Variants in PTK2B observed in about 807,000 individuals in gnomAD.
PTK2B encodes the protein protein-tyrosine kinase 2-beta.
Under a neutral mutation model 142.9 loss-of-function variants are expected in PTK2B, and 71 were observed. The ratio of observed to expected loss-of-function variants is 0.50; its 90% CI spans 0.41 to 0.61. The LOEUF (loss-of-function observed/expected upper bound fraction) is 0.61. PTK2B is among the 20% of genes least tolerant of loss of function. PTK2B has a pLI of 0.00. For synonymous variants in PTK2B, 519 were observed against 503.4 expected, an observed-to-expected ratio of 1.03 and a Z score of -0.42; for missense variants, 1,105 against 1,320.4, an observed-to-expected ratio of 0.84 and a Z score of 2.53.
chr8:27,401,146 A>AAACG (rs1468128352), intron 2 of PTK2B, among the ~76,000 whole-genome samples: 2 of 152,050 alleles, frequency 1.3e-5, no homozygotes, highest in Non-Finnish European at 2.9e-5. Flanking sequence ...CTCAAAAAAC[A>AAACG]AAGAGATCCA....
chr8:27,452,797 A>G, intron 27 of PTK2B: 1 of 459,948 alleles, frequency 2.2e-6, no homozygotes, highest in South Asian at 3.5e-5. Context: ...CTTTCAGATC[A>G]CCCAGTACTG....
At chr8:27,319,337 A>T (rs1803158280) in intron 3 of PTK2B, among the ~76,000 whole-genome samples, 1 of 145,336 alleles carries the variant, frequency 6.9e-6, no homozygotes, top group Non-Finnish European at 1.5e-5. Flanking sequence ...TTTTTCAGGA[A>T]CCCGTTTTAA....
intron 3 of PTK2B, among the ~76,000 whole-genome samples, chr8:27,317,344 G>T (rs6999346): frequency 0.37 from 56,870 of 151,958 alleles, 11,610 homozygotes; most frequent in Non-Finnish European, 0.46. Flanking sequence ...TACATTAGGG[G>T]CTCTGCTATT....
chr8:27,435,819 A>G, intron 14 of PTK2B, 26 bp downstream of exon 14: 2 of 1,609,498 alleles, frequency 1.2e-6, no homozygotes, highest in South Asian at 2.2e-5. Flanking sequence ...CGCCACAGCG[A>G]CCGTAGTCAA....
At position 27,419,987 on chromosome 8, in the gene PTK2B, C is replaced by A; in HGVS notation, c.297C>A (p.Ser99=). The stretch of plus-strand genomic sequence containing the variant: ...GGCTGAGGCTGAAGCACATGAAGTC[C>A]GATGAGATCCACTGGCTGCACCCAC... ...CYGLRLKHMK[S]DEIHWLHPQM... Residue 99 remains serine (S), a synonymous_variant, in exon 3 of 31, where the codon TCC becomes TCA. Coordinates refer to ENST00000346049, the MANE Select transcript of PTK2B (RefSeq NM_173176.3). 6.2e-7 allele frequency: 1 copy of A among 1,614,128 alleles called. No homozygotes were observed. The highest frequency in any genetic ancestry group is 8.5e-7 in the Non-Finnish European group (1 of 1,180,034).
At chr8:27,404,036 TCC>T (rs200646408) in intron 2 of PTK2B, among the ~76,000 whole-genome samples, 2 of 127,594 alleles carry the variant, frequency 1.6e-5, no homozygotes, top group African/African-American at 2.8e-5. Flanking sequence ...ATTTGTCTCA[TCC>T]CCAGTTTCTA....
At chr8:27,360,171 C>T (rs1805616895) in intron 1 of PTK2B, among the ~76,000 whole-genome samples, 1 of 152,220 alleles carries the variant, frequency 6.6e-6, no homozygotes, top group African/African-American at 2.4e-5. Flanking sequence ...CATGTTCTCA[C>T]ATTGGCAAAA....
intron 15 of PTK2B, among the ~76,000 whole-genome samples, chr8:27,436,738 C>T (rs535758228): frequency 2.6e-5 from 4 of 151,842 alleles, no homozygotes; most frequent in Non-Finnish European, 5.9e-5. Flanking sequence ...TTCTAGCAGG[C>T]CCAGGGGAAG....
intron 18 of PTK2B, 35 bp downstream of exon 18, chr8:27,437,915 C>A: frequency 6.5e-7 from 1 of 1,546,252 alleles, no homozygotes; most frequent in Non-Finnish European, 8.8e-7. Context: ...GGTATGGAAG[C>A]CAGGCCTTCA....
chr8:27,406,292 C>A (rs1381015369), intron 2 of PTK2B, among the ~76,000 whole-genome samples: 1 of 152,016 alleles, frequency 6.6e-6, no homozygotes, highest in Non-Finnish European at 1.5e-5. Context: ...GCAAAGCCCC[C>A]CATTTTTTTT....
At position 27,333,375 on chromosome 8, in the gene PTK2B, C is replaced by T. The variant is rs533493253; in HGVS notation, c.-38+7694C>T. The stretch of plus-strand genomic sequence containing the variant: ...TAGGAGCTGTTGACCATGCTGACTT[C>T]GGTGGAGGTGCGAGGGTCAGATTCT... On this transcript the variant is annotated intron_variant, in intron 1 of 30. Transcript: ENST00000346049. 4.6e-5 allele frequency among the ~76,000 whole-genome samples: 7 copies of T among 152,266 alleles called. No individual in the cohort carries two copies. The South Asian group carries it at 1.0e-3, about 23-fold the overall frequency.
intron 1 of PTK2B, chr8:27,396,411 AGG>A (rs1808054327): frequency 1.3e-5 from 2 of 152,170 alleles, no homozygotes; most frequent in African/African-American, 4.8e-5. Flanking sequence ...CTTCTTAGAA[AGG>A]GGATATTTTT....
intron 8 of PTK2B, 110 bp downstream of exon 8, chr8:27,431,126 G>A: frequency 6.6e-7 from 1 of 1,513,656 alleles, no homozygotes; most frequent in Non-Finnish European, 8.9e-7. Flanking sequence ...TTCTCACTCA[G>A]GCAGCAGGAC....
chr8:27,377,053 A>G (rs1435902427), intron 1 of PTK2B, among the ~76,000 whole-genome samples: 2 of 152,118 alleles, frequency 1.3e-5, no homozygotes, highest in African/African-American at 4.8e-5. Flanking sequence ...GCAAAGTGGG[A>G]GTGAGGAGGG....
rs772807733 is a variant in PTK2B at position 27,436,272 on chromosome 8, G to C, written c.1265G>C (p.Arg422Pro). ...RPGGPQYGIA[R>P]EDVVLNRILG... The stretch of plus-strand genomic sequence containing the variant: ...GCAGGTCCACAGTATGGCATTGCCC[G>C]TGAAGATGTGGTCCTGAATCGTATT... Residue 422 changes from arginine to proline, a missense_variant, in exon 15 of 31, where the codon CGT becomes CCT. By Grantham distance (103) the Arg-to-Pro change is moderately radical. Transcript: ENST00000346049. The C allele has an allele frequency of 6.2e-7, 1 of 1,614,072 alleles. No individual in the cohort carries two copies. The highest frequency in any genetic ancestry group is 1.7e-5 in the Admixed American group (1 of 60,012).
chr8:27,435,807 C>T lies in PTK2B; in HGVS notation c.1243+14C>T. ...GAAGGCCCGGAGGTAGGTTCTCGACCCCGCCACAGCGACCGTAGTCAAGGC... is the reference window on the plus strand; with the variant it reads ...GAAGGCCCGGAGGTAGGTTCTCGACTCCGCCACAGCGACCGTAGTCAAGGC... On this transcript the variant is annotated intron_variant, in intron 14 of 30. Transcript: ENST00000346049. 6 of 1,613,000 alleles carry T rather than the reference C, an allele frequency of 3.7e-6. No homozygotes were observed. Among genetic ancestry groups the T allele is most frequent in the Non-Finnish European group, 5.1e-6 (6 of 1,179,014 alleles).
At chr8:27,439,678 G>A (rs957935334) in intron 20 of PTK2B, among the ~76,000 whole-genome samples, 3 of 152,160 alleles carry the variant, frequency 2.0e-5, no homozygotes, top group Non-Finnish European at 2.9e-5. Flanking sequence ...AAACTAAGAC[G>A]AAACTCTGTG....
chr8:27,378,799 G>C (rs886429660), intron 1 of PTK2B, among the ~76,000 whole-genome samples: 3 of 152,116 alleles, frequency 2.0e-5, no homozygotes, highest in Non-Finnish European at 4.4e-5. Context: ...TGGAGCTAGG[G>C]GAGAGCAGCA....
intron 1 of PTK2B, among the ~76,000 whole-genome samples, chr8:27,378,598 TATCTGTGTGTGTGTGTGTG>T (rs946972566): frequency 1.5e-5 from 2 of 129,800 alleles, no homozygotes; most frequent in African/African-American, 5.8e-5. Context: ...TCTTACAGCT[TATCTGTGTGTGTGTGTGTG>T]TGTGTGTGTG....
Sources: allele counts gnomAD v4.1 joint callset (sites outside exome capture counted in the v4.1 genomes callset), GRCh38; gene constraint gnomAD v4.1.1; transcripts MANE v1.5; gene names NCBI Gene and HGNC (gene_info 2026-07-23, HGNC 2026-07-21).